JMY: variants seen among roughly 807,000 people sequenced by gnomAD.
JMY encodes the protein junction-mediating and -regulatory protein.
Under a neutral mutation model 103.3 loss-of-function variants are expected in JMY, and 46 were observed. That is an observed-to-expected ratio of 0.45 (90% confidence interval 0.35 to 0.57). JMY has a LOEUF of 0.57. Among genes scored for constraint, JMY ranks in the 20% least tolerant of loss-of-function variants. The probability of loss-of-function intolerance (pLI) is 0.00; values close to 1 mark genes in which losing one functional copy is unlikely to be tolerated. For missense variants in JMY, 1,238 were observed against 1,255.2 expected, an observed-to-expected ratio of 0.99 and a Z score of 0.21; for synonymous variants, 526 against 489.3, an observed-to-expected ratio of 1.07 and a Z score of -0.99.
intron 1 of JMY, among the ~76,000 whole-genome samples, chr5:79,269,643 C>T (rs976038177): frequency 6.6e-6 from 1 of 152,048 alleles, no homozygotes; most frequent in African/African-American, 2.4e-5. Context: ...AGATCTTGTA[C>T]ATATATTGTT....
At chr5:79,280,586 A>G (rs2112087931) in intron 2 of JMY, among the ~76,000 whole-genome samples, 1 of 152,252 alleles carries the variant, frequency 6.6e-6, no homozygotes. Flanking sequence ...CCTACTTGTG[A>G]ATTTGCAGAT....
At chr5:79,297,608 T>C (rs1168442804) in intron 4 of JMY, among the ~76,000 whole-genome samples, 2 of 152,196 alleles carry the variant, frequency 1.3e-5, no homozygotes, top group Non-Finnish European at 2.9e-5. Flanking sequence ...CCTCACAGAT[T>C]TCTCTGAGTC....
At chr5:79,271,735 T>G (rs946672893) in intron 1 of JMY, among the ~76,000 whole-genome samples, 2 of 152,240 alleles carry the variant, frequency 1.3e-5, no homozygotes, top group Non-Finnish European at 2.9e-5. Context: ...TATAACTTAA[T>G]GTACTTTGAA....
intron 6 of JMY, among the ~76,000 whole-genome samples, chr5:79,305,016 C>T (rs1369089692): frequency 2.0e-5 from 3 of 152,124 alleles, no homozygotes; most frequent in Non-Finnish European, 1.5e-5. Flanking sequence ...CTTTGTTTTC[C>T]CCATTGCACT....
chr5:79,320,081 A>C (rs1303918722), intron 10 of JMY, among the ~76,000 whole-genome samples: 2 of 152,176 alleles, frequency 1.3e-5, no homozygotes, highest in African/African-American at 4.8e-5. Context: ...GAGGTTTAAA[A>C]TAAGTTTCAG....
At chr5:79,276,674 T>G (rs1317123232) in intron 1 of JMY, among the ~76,000 whole-genome samples, 1 of 152,090 alleles carries the variant, frequency 6.6e-6, no homozygotes, top group African/African-American at 2.4e-5. Flanking sequence ...TGGCGTGATC[T>G]CGGCTCACTG....
chr5:79,318,741 A>AATATATATATATAT (rs71830021), intron 10 of JMY, among the ~76,000 whole-genome samples: 2 of 134,768 alleles, frequency 1.5e-5, no homozygotes, highest in African/African-American at 5.4e-5. Flanking sequence ...TTTGTAAAGG[A>AATATATATATATAT]ATATATATAT....
intron 1 of JMY, among the ~76,000 whole-genome samples, chr5:79,270,686 TTAA>T (rs1368303538): frequency 6.9e-6 from 1 of 144,726 alleles, no homozygotes; most frequent in Non-Finnish European, 1.5e-5. Context: ...TATATTTATA[TTAA>T]TATATTTATA....
chr5:79,301,805 G>A (rs1033383519), intron 6 of JMY, among the ~76,000 whole-genome samples: 1 of 152,164 alleles, frequency 6.6e-6, no homozygotes, highest in African/African-American at 2.4e-5. Flanking sequence ...AAACATTGCA[G>A]GCTGGGCGCG....
intron 2 of JMY, chr5:79,284,911 A>G (rs568528526): frequency 4.6e-5 from 71 of 1,544,660 alleles, no homozygotes; most frequent in Non-Finnish European, 5.5e-5. Context: ...GTTCTTGCCA[A>G]CCGCCATGGT....
intron 1 of JMY, among the ~76,000 whole-genome samples, chr5:79,251,097 G>A (rs1745071898): frequency 6.6e-6 from 1 of 152,086 alleles, no homozygotes; most frequent in African/African-American, 2.4e-5. Context: ...TTATTTGACT[G>A]TGGAGGGTGG....
chr5:79,283,454 A>AT (rs1209798475), intron 2 of JMY, among the ~76,000 whole-genome samples: 1 of 152,180 alleles, frequency 6.6e-6, no homozygotes, highest in Non-Finnish European at 1.5e-5. Context: ...CAAATGTATA[A>AT]TGTATTTATA....
chr5:79,258,266 G>A (rs915537836), intron 1 of JMY, among the ~76,000 whole-genome samples: 1 of 150,496 alleles, frequency 6.6e-6, no homozygotes. Flanking sequence ...TATCAGTTTG[G>A]AGCATTACTT....
chr5:79,240,417 TCTC>T (rs1744699883), intron 1 of JMY, among the ~76,000 whole-genome samples: 1 of 152,030 alleles, frequency 6.6e-6, no homozygotes, highest in South Asian at 2.1e-4. Flanking sequence ...TTCAAGCAGT[TCTC>T]CTTGCTCAGC....
intron 1 of JMY, among the ~76,000 whole-genome samples, chr5:79,255,433 CTTAT>C (rs958697503): frequency 4.6e-5 from 7 of 152,148 alleles, no homozygotes; most frequent in African/African-American, 1.4e-4. Flanking sequence ...TTCCTGGTGG[CTTAT>C]TTATTAATAG....
chr5:79,275,612 ACT>A (rs1745915552), intron 1 of JMY, among the ~76,000 whole-genome samples: 1 of 151,906 alleles, frequency 6.6e-6, no homozygotes. Flanking sequence ...TATTTTGGTC[ACT>A]CTGTAGTGCC....
intron 4 of JMY, among the ~76,000 whole-genome samples, chr5:79,295,086 T>C (rs1478017816): frequency 6.6e-6 from 1 of 152,216 alleles, no homozygotes; most frequent in East Asian, 1.9e-4. Context: ...TCAGTTTTAA[T>C]TCGTCAAGTA....
intron 1 of JMY, among the ~76,000 whole-genome samples, chr5:79,238,258 T>G (rs1278232457): frequency 6.6e-6 from 1 of 152,220 alleles, no homozygotes; most frequent in Non-Finnish European, 1.5e-5. Context: ...TTTCTTTTTT[T>G]TTGGACTACC....
intron 2 of JMY, among the ~76,000 whole-genome samples, chr5:79,278,577 C>T (rs912401288): frequency 9.3e-6 from 1 of 108,098 alleles, no homozygotes; most frequent in East Asian, 2.6e-4. Context: ...ACGGAGAACC[C>T]GTCTCTACAA....
Sources: allele counts gnomAD v4.1 joint callset (sites outside exome capture counted in the v4.1 genomes callset), GRCh38; gene constraint gnomAD v4.1.1; transcripts MANE v1.5; gene names NCBI Gene and HGNC (gene_info 2026-07-23, HGNC 2026-07-21).